Variants in OR51B5 observed in about 807,000 individuals in gnomAD.
OR51B5 encodes the protein olfactory receptor family 51 subfamily B member 5.
For synonymous variants in OR51B5, 186 were observed against 144.8 expected (o/e 1.28, Z -2.04); for missense variants, 456 against 374.6 (o/e 1.22, Z -1.79).
At chr11:5,367,478 C>A (rs1390953042) in intron 1 of OR51B5, among the ~76,000 whole-genome samples, 3 of 152,156 alleles carry the variant, frequency 2.0e-5, no homozygotes, top group African/African-American at 7.2e-5. Context: ...CTTAGCGTAA[C>A]TTCCTGATGT....
At chr11:5,425,519 A>ATG (rs1850434736) in intron 1 of OR51B5, among the ~76,000 whole-genome samples, 2 of 151,994 alleles carry the variant, frequency 1.3e-5, no homozygotes, top group Admixed American at 6.6e-5. Context: ...CTTCCTTTGC[A>ATG]TGTGTGTGTG....
chr11:5,501,004 A>G (rs1177795315), intron 1 of OR51B5, among the ~76,000 whole-genome samples: 1 of 148,428 alleles, frequency 6.7e-6, no homozygotes, highest in Non-Finnish European at 1.5e-5. Context: ...CTGAATGGGA[A>G]GAAGTTATAA....
intron 1 of OR51B5, chr11:5,422,641 G>C (rs749989214): frequency 1.2e-5 from 19 of 1,613,924 alleles, no homozygotes; most frequent in Non-Finnish European, 1.6e-5. Flanking sequence ...GTAGAACTGG[G>C]TTAGCCATCA....
At chr11:5,342,960 C>A in exon 1 of OR51B5, 1 of 1,613,402 alleles carries the variant, frequency 6.2e-7, no homozygotes, top group Non-Finnish European at 8.5e-7. Flanking sequence ...AAGGTGGTAT[C>A]AGCACAGGCG....
intron 1 of OR51B5, among the ~76,000 whole-genome samples, chr11:5,350,642 A>G (rs986342193): frequency 1.3e-5 from 2 of 152,178 alleles, no homozygotes; most frequent in Non-Finnish European, 2.9e-5. Context: ...TTATTTTTGC[A>G]TCACCAAGTA....
At chr11:5,357,742 T>A (rs1325641293) in intron 1 of OR51B5, among the ~76,000 whole-genome samples, 3 of 150,206 alleles carry the variant, frequency 2.0e-5, no homozygotes, top group African/African-American at 7.4e-5. Context: ...TAGTTGGAAG[T>A]AAAGCACTCC....
intron 1 of OR51B5, among the ~76,000 whole-genome samples, chr11:5,496,260 G>C (rs1233068980): frequency 1.2e-4 from 2 of 17,040 alleles, no homozygotes; most frequent in South Asian, 1.9e-3. Flanking sequence ...CCCTTGCATG[G>C]CATGCCTCTG....
chr11:5,489,087 G>A (rs1180429891), intron 1 of OR51B5: 2 of 1,613,936 alleles, frequency 1.2e-6, no homozygotes, highest in Admixed American at 1.7e-5. Flanking sequence ...ATAGGTATGT[G>A]GCTATCTGTA....
At chr11:5,408,940 C>T (rs116478340) in intron 1 of OR51B5, among the ~76,000 whole-genome samples, 4 of 151,992 alleles carry the variant, frequency 2.6e-5, no homozygotes, top group Non-Finnish European at 1.5e-5. Context: ...TTTTGTAACA[C>T]CCTCCTAATT....
chr11:5,405,427 T>A (rs1850043973), intron 1 of OR51B5, among the ~76,000 whole-genome samples: 2 of 152,260 alleles, frequency 1.3e-5, no homozygotes, highest in African/African-American at 4.8e-5. Context: ...TCAAGTAGAA[T>A]TTATTGAGCA....
chr11:5,481,280 C>A (rs1226727953), intron 1 of OR51B5, among the ~76,000 whole-genome samples: 3 of 60,552 alleles, frequency 5.0e-5, no homozygotes, highest in African/African-American at 1.6e-4. Context: ...TCAATAGATG[C>A]AGAAAAAGCC....
chr11:5,490,825 A>T (rs1459286676), intron 1 of OR51B5, among the ~76,000 whole-genome samples: 1 of 152,210 alleles, frequency 6.6e-6, no homozygotes, highest in Non-Finnish European at 1.5e-5. Flanking sequence ...TGCCCTCAGC[A>T]TTAGTGAAGT....
At position 5,462,040 on chromosome 11, in the gene OR51B5, G is replaced by A. The variant is rs143655149; in HGVS notation, n.84+43529C>T. 4.8e-3 allele frequency among the ~76,000 whole-genome samples: 726 copies of A among 152,240 alleles called. 12 individuals carry two copies. Among genetic ancestry groups the A allele is most frequent in the Admixed American group, 0.021 (319 of 15,294 alleles). On this transcript the variant is annotated intron_variant and non_coding_transcript_variant, in intron 1 of 4. Transcript: ENST00000415970. ...ATTTGTACTTCTATTTTTTAGGCTC[G>A]TTAGGCCTTCCTCTAACAACACAAG...
intron 1 of OR51B5, among the ~76,000 whole-genome samples, chr11:5,379,340 T>A (rs11604120): frequency 0.11 from 16,836 of 151,978 alleles, 1,062 homozygotes; most frequent in South Asian, 0.15. Context: ...GGGATGGCAT[T>A]AGGAGATATA....
At position 5,422,849 on chromosome 11, in the gene OR51B5, G is replaced by C. The variant is rs200365005; in HGVS notation, n.85-75939C>G. ...TATTATCGTGGATCCTCTGCTCATTGTGATCTCCTATACACTTATTCTGAA... is the reference window on the plus strand; with the variant it reads ...TATTATCGTGGATCCTCTGCTCATTCTGATCTCCTATACACTTATTCTGAA... On this transcript the variant is annotated intron_variant and non_coding_transcript_variant, in intron 1 of 4. Coordinates refer to the OR51B5 transcript ENST00000415970. 3 of 1,614,114 alleles carry C rather than the reference G, an allele frequency of 1.9e-6. No homozygotes were observed. Among genetic ancestry groups the C allele is most frequent in the Non-Finnish European group, 2.5e-6 (3 of 1,180,028 alleles).
At chr11:5,444,195 C>T (rs538631950) in intron 1 of OR51B5, among the ~76,000 whole-genome samples, 21 of 152,242 alleles carry the variant, frequency 1.4e-4, no homozygotes, top group Admixed American at 1.0e-3. Context: ...TGCTGACATA[C>T]ACAATACTGA....
At chr11:5,493,216 A>G (rs1030640279) in intron 1 of OR51B5, among the ~76,000 whole-genome samples, 1 of 152,204 alleles carries the variant, frequency 6.6e-6, no homozygotes, top group Admixed American at 6.5e-5. Context: ...ATGTATAATT[A>G]GTCCACCCCA....
chr11:5,501,820 GGTTT>G lies in OR51B5; in HGVS notation n.84+3745_84+3748del, dbSNP rs1432056174. Among the ~76,000 whole-genome samples, 4 of 147,922 alleles carry G rather than the reference GGTTT, an allele frequency of 2.7e-5. 1 individual carries two copies. The highest frequency in any genetic ancestry group is 4.9e-5 in the African/African-American group (2 of 41,160). On this transcript the variant is annotated intron_variant and non_coding_transcript_variant, in intron 1 of 4. Transcript: ENST00000415970. The stretch of plus-strand genomic sequence containing the variant: ...CTAGGGTACATGTGCACAACGTGCA[GGTTT>G]GTTACATAGGTATACATGTTCCATG...
rs536847380 is a variant in OR51B5, at chr11:5,393,427, G to C, written n.85-46517C>G. Among the ~76,000 whole-genome samples the C allele has an allele frequency of 1.4e-4, 21 of 151,824 alleles. No homozygotes were observed. In the South Asian group the frequency reaches 4.2e-3, roughly 30 times the overall value. Reference sequence around the variant, plus strand: ...GTACAGAACAATCACTATGTAAAAGGCTATAAATATTTGTATCAAAAGAAA... The same window carrying C: ...GTACAGAACAATCACTATGTAAAAGCCTATAAATATTTGTATCAAAAGAAA... On this transcript the variant is annotated intron_variant and non_coding_transcript_variant, in intron 1 of 4. Transcript: ENST00000415970.
Sources: allele counts gnomAD v4.1 joint callset (sites outside exome capture counted in the v4.1 genomes callset), GRCh38; gene constraint gnomAD v4.1.1; transcripts MANE v1.5; gene names NCBI Gene and HGNC (gene_info 2026-07-23, HGNC 2026-07-21).